The following GPC5 variants were observed in gnomAD, a reference collection of about 807,000 sequenced individuals.
GPC5 encodes glypican 5.
In GPC5, 47 loss-of-function variants were observed where a neutral mutation model predicts 53.9. That is an observed-to-expected ratio of 0.87 (90% CI 0.69 to 1.11). The LOEUF (loss-of-function observed/expected upper bound fraction) is 1.11, where lower values mean the gene tolerates loss of function less well. GPC5 is among the 50% of genes most tolerant of loss of function. The probability of loss-of-function intolerance (pLI) is 0.00; values close to 1 mark genes in which losing one functional copy is unlikely to be tolerated. For synonymous variants in GPC5, 286 were observed against 263.3 expected (o/e 1.09, Z -0.84); for missense variants, 748 against 713.1 (o/e 1.05, Z -0.56).
At chr13:91,758,981 C>T (rs1336271556) in intron 5 of GPC5, among the ~76,000 whole-genome samples, 1 of 152,074 alleles carries the variant, frequency 6.6e-6, no homozygotes, top group African/African-American at 2.4e-5. Flanking sequence ...ATATGAGCCT[C>T]ACACACTCCT....
intron 5 of GPC5, among the ~76,000 whole-genome samples, chr13:91,906,894 T>C (rs544567675): frequency 6.6e-6 from 1 of 151,766 alleles, no homozygotes; most frequent in African/African-American, 2.4e-5. Flanking sequence ...TTAGAAAATA[T>C]TTTGCAGATT....
At chr13:91,973,068 A>G (rs1333239236) in intron 6 of GPC5, among the ~76,000 whole-genome samples, 2 of 152,288 alleles carry the variant, frequency 1.3e-5, no homozygotes, top group African/African-American at 2.4e-5. Context: ...GTGTTTTCCA[A>G]CTTGGTTCCA....
intron 7 of GPC5, among the ~76,000 whole-genome samples, chr13:92,755,551 T>C (rs1433692257): frequency 6.6e-6 from 1 of 151,170 alleles, no homozygotes; most frequent in Non-Finnish European, 1.5e-5. Context: ...GCTGGTTTTT[T>C]GAAAGGATCA....
chr13:92,527,190 AAAG>A lies in GPC5; in HGVS notation c.1562-339089_1562-339087del, dbSNP rs1491449139. On this transcript the variant is annotated intron_variant, in intron 7 of 7. Transcript: ENST00000377067. ...AAAGAAAGAGAAAGAAAGAAGAAAGAAAGAAAGAAAGAAAGAAAGAAAGAAAGA... is the reference window on the plus strand; with the variant it reads ...AAAGAAAGAGAAAGAAAGAAGAAAGAAAAGAAAGAAAGAAAGAAAGAAAGA... Among the ~76,000 whole-genome samples, 2 of 20,608 alleles carry A rather than the reference AAAG, an allele frequency of 9.7e-5. 1 individual carries two copies. The highest frequency in any genetic ancestry group is 1.5e-4 in the Non-Finnish European group (2 of 12,920). 13.5% of individuals were successfully genotyped at this position (20,608 alleles called of 152,430 possible).
At chr13:91,932,335 AGGG>A (rs1186262197) in intron 6 of GPC5, among the ~76,000 whole-genome samples, 1 of 152,058 alleles carries the variant, frequency 6.6e-6, no homozygotes, top group Non-Finnish European at 1.5e-5. Flanking sequence ...TGCCCTAACC[AGGG>A]CATGAGTCTA....
At chr13:92,515,561 T>C (rs1267083649) in intron 7 of GPC5, among the ~76,000 whole-genome samples, 1 of 152,180 alleles carries the variant, frequency 6.6e-6, no homozygotes, top group Non-Finnish European at 1.5e-5. Flanking sequence ...TACTAGCTTG[T>C]TTTTCAAGCA....
intron 6 of GPC5, among the ~76,000 whole-genome samples, chr13:92,063,164 TG>T (rs1172633505): frequency 6.6e-6 from 1 of 152,106 alleles, no homozygotes; most frequent in Non-Finnish European, 1.5e-5. Context: ...CCTAGCAACC[TG>T]GCACCAACAG....
At chr13:92,128,139 C>T (rs1163340079) in intron 6 of GPC5, among the ~76,000 whole-genome samples, 1 of 152,176 alleles carries the variant, frequency 6.6e-6, no homozygotes, top group African/African-American at 2.4e-5. Context: ...CGGGTTTCCT[C>T]TGGGTCCTTT....
Position 92,018,483 on chromosome 13 carries a change from A to T in GPC5, c.1401+110426A>T, listed in dbSNP as rs892103615. 9.2e-5 allele frequency among the ~76,000 whole-genome samples: 14 copies of T among 152,244 alleles called. No individual in the cohort carries two copies. In the South Asian group the frequency reaches 2.3e-3, roughly 25 times the overall value. On this transcript the variant is annotated intron_variant, in intron 6 of 7. Coordinates refer to ENST00000377067, the MANE Select transcript of GPC5 (RefSeq NM_004466.6). The stretch of plus-strand genomic sequence containing the variant: ...GTAACGTGCCTGTTTTTTATTCAAT[A>T]TTTGTGTTTGAATGGTACTTAAAAA...
chr13:91,499,189 A>T (rs184956889), intron 2 of GPC5, among the ~76,000 whole-genome samples: 1 of 152,252 alleles, frequency 6.6e-6, no homozygotes, highest in Non-Finnish European at 1.5e-5. Flanking sequence ...ACCTCAGGTA[A>T]CAGGATGCTG....
chr13:92,637,630 G>C (rs1885451284), intron 7 of GPC5, among the ~76,000 whole-genome samples: 2 of 152,290 alleles, frequency 1.3e-5, no homozygotes. Context: ...TTCAACGCAA[G>C]CAAATTATTC....
At chr13:92,101,194 A>G in intron 6 of GPC5, among the ~76,000 whole-genome samples, 1 of 152,122 alleles carries the variant, frequency 6.6e-6, no homozygotes, top group Non-Finnish European at 1.5e-5. Flanking sequence ...ATCTTACCAC[A>G]TTCCCTCTTA....
chr13:92,636,501 C>A (rs2139141473), intron 7 of GPC5, among the ~76,000 whole-genome samples: 1 of 152,252 alleles, frequency 6.6e-6, no homozygotes, highest in Admixed American at 6.5e-5. Flanking sequence ...TCCCTCCTTG[C>A]TTCTTACCTT....
At chr13:92,813,771 C>T (rs1007349383) in intron 7 of GPC5, among the ~76,000 whole-genome samples, 1 of 152,000 alleles carries the variant, frequency 6.6e-6, no homozygotes, top group African/African-American at 2.4e-5. Context: ...CGAGATGTAA[C>T]ATGCTCATGT....
At chr13:92,120,493 C>G (rs1182893533) in intron 6 of GPC5, among the ~76,000 whole-genome samples, 1 of 152,150 alleles carries the variant, frequency 6.6e-6, no homozygotes, top group East Asian at 1.9e-4. Flanking sequence ...CTTCTGGACT[C>G]AAGCACTCCT....
At chr13:92,106,411 C>T (rs2041510464) in intron 6 of GPC5, among the ~76,000 whole-genome samples, 1 of 151,978 alleles carries the variant, frequency 6.6e-6, no homozygotes, top group African/African-American at 2.4e-5. Context: ...AATTATATGA[C>T]ACATAGATTT....
intron 7 of GPC5, among the ~76,000 whole-genome samples, chr13:92,303,414 G>A (rs2043088789): frequency 6.6e-6 from 1 of 152,066 alleles, no homozygotes; most frequent in Non-Finnish European, 1.5e-5. Context: ...GCCTAAGAAT[G>A]CAGGGTGGGA....
At chr13:92,105,999 AAACT>A (rs1361659837) in intron 6 of GPC5, among the ~76,000 whole-genome samples, 1 of 152,030 alleles carries the variant, frequency 6.6e-6, no homozygotes, top group African/African-American at 2.4e-5. Flanking sequence ...TATTTCACTT[AAACT>A]TACATTTGTG....
At chr13:92,764,463 C>A (rs1875315555) in intron 7 of GPC5, among the ~76,000 whole-genome samples, 1 of 152,210 alleles carries the variant, frequency 6.6e-6, no homozygotes, top group Admixed American at 6.5e-5. Flanking sequence ...GGACTCGAGG[C>A]AGCTCCCTCA....
Sources: gnomAD v4.1 joint callset for allele counts (sites outside exome capture counted in the v4.1 genomes callset) on GRCh38, gnomAD v4.1.1 for gene constraint, MANE v1.5 for transcripts, NCBI Gene and HGNC (gene_info 2026-07-23, HGNC 2026-07-21) for gene names.